Variants in ARHGAP9 observed in about 807,000 individuals in gnomAD.
The protein encoded by ARHGAP9 is rho GTPase-activating protein 9.
ARHGAP9 carries 76 observed loss-of-function variants against 87.3 expected under a neutral mutation model. The observed-to-expected ratio is 0.87, with a 90% CI of 0.72 to 1.05. The LOEUF (loss-of-function observed/expected upper bound fraction) is 1.05, where lower values mean the gene tolerates loss of function less well. Among genes scored for constraint, ARHGAP9 ranks in the 50% least tolerant of loss-of-function variants. ARHGAP9 has a pLI of 0.00. For missense variants in ARHGAP9, 941 were observed against 960.5 expected (o/e 0.98, Z 0.27); for synonymous variants, 382 against 394.9 (o/e 0.97, Z 0.39).
upstream of ARHGAP9, among the ~76,000 whole-genome samples, chr12:57,482,196 C>G (rs553369326): frequency 6.6e-6 from 1 of 151,996 alleles, no homozygotes; most frequent in Non-Finnish European, 1.5e-5. Flanking sequence ...TCACTTGAGC[C>G]TAGGAGCTTG....
Position 57,479,072 on chromosome 12 carries a change from G to T in ARHGAP9, c.316+19C>A. ...TGGGAGGTAGGAAGGTGAAGGGAGA[G>T]GGCTTAGCGCTTACTCACCAGGAGT... On this transcript the variant is annotated intron_variant, in intron 2 of 17. Coordinates refer to ENST00000393791, the MANE Select transcript of ARHGAP9 (RefSeq NM_032496.4). The T allele has an allele frequency of 3.1e-6, 5 of 1,610,368 alleles. No individual in the cohort carries two copies. Among genetic ancestry groups the T allele is most frequent in the Non-Finnish European group, 4.2e-6 (5 of 1,177,098 alleles).
At chr12:57,473,146 G>A (rs938782260) in intron 17 of ARHGAP9, among the ~76,000 whole-genome samples, 2 of 152,118 alleles carry the variant, frequency 1.3e-5, no homozygotes, top group Non-Finnish European at 2.9e-5. Context: ...AGTCTTTGAC[G>A]GGCACGGTGT....
At chr12:57,485,331 G>T (rs1342429257) in intron 1 of ARHGAP9, among the ~76,000 whole-genome samples, 1 of 151,516 alleles carries the variant, frequency 6.6e-6, no homozygotes, top group Non-Finnish European at 1.5e-5. Context: ...CAAGGCAGGT[G>T]TATCACCTGA....
At chr12:57,475,962 A>G in intron 9 of ARHGAP9, 31 bp from the exon 10 acceptor site, 1 of 1,598,626 alleles carries the variant, frequency 6.3e-7, no homozygotes, top group Non-Finnish European at 8.5e-7. Flanking sequence ...CGCTCGGGTC[A>G]ACGGGAAGGA....
chr12:57,477,501 G>A lies in ARHGAP9; in HGVS notation c.714C>T (p.Gly238=), dbSNP rs1466397397. 2 of 1,614,124 alleles carry A rather than the reference G, an allele frequency of 1.2e-6. No individual in the cohort carries two copies. The highest frequency in any genetic ancestry group is 1.7e-6 in the Non-Finnish European group (2 of 1,180,004). ...GRCFYINSLT[G]CKSWKPPRRS... is the part of the protein sequence containing the mutation. ...GGCGCGGGGGCTTCCAGGACTTGCA[G>A]CCAGTCAGTGAATTTATGTAGAAGC... The change falls in exon 4 of 18, where the codon GGC becomes GGT. Residue 238 remains glycine, a synonymous_variant. Transcript: ENST00000393791.
At chr12:57,478,784 T>G in intron 2 of ARHGAP9, 27 bp from the exon 3 acceptor site, 1 of 1,581,028 alleles carries the variant, frequency 6.3e-7, no homozygotes, top group Non-Finnish European at 8.6e-7. Context: ...GGAGGGTGGG[T>G]GGCAGGTGAT....
chr12:57,480,584 A>C (rs1464436841), upstream of ARHGAP9, among the ~76,000 whole-genome samples: 3 of 152,190 alleles, frequency 2.0e-5, no homozygotes, highest in Non-Finnish European at 4.4e-5. Context: ...TTGGAGCTTA[A>C]GGAGAGACAG....
chr12:57,476,902 C>G lies in ARHGAP9; in HGVS notation c.932G>C (p.Arg311Pro). ...QLDPPALQAPRPLPQLLDDPH... is the reference protein window; with the variant it reads ...QLDPPALQAPPPLPQLLDDPH... ...GTCGTCCAGGAGCTGCGGCAGAGGT[C>G]GAGGGGCCTGCAAGGCTGGAGGGTC... The change falls in exon 6 of 18, where the codon CGA (arginine) becomes CCA (proline). Residue 311 changes from arginine (R) to proline (P), a missense_variant. Coordinates refer to ENST00000393791, the MANE Select transcript of ARHGAP9 (RefSeq NM_032496.4). 3 of 1,613,656 alleles carry G rather than the reference C, an allele frequency of 1.9e-6. No individual in the cohort carries two copies. Among genetic ancestry groups the G allele is most frequent in the Non-Finnish European group, 2.5e-6 (3 of 1,179,910 alleles).
intron 17 of ARHGAP9, 129 bp downstream of exon 17, chr12:57,473,474 T>G: frequency 1.4e-6 from 1 of 727,776 alleles, no homozygotes; most frequent in Non-Finnish European, 2.4e-6. Context: ...TGCACAGAGG[T>G]TGCCTGCTTC....
upstream of ARHGAP9, chr12:57,480,745 A>T: frequency 6.5e-7 from 1 of 1,544,550 alleles, no homozygotes. Context: ...GATTACCAGC[A>T]CTTTAAAACC....
upstream of ARHGAP9, among the ~76,000 whole-genome samples, chr12:57,482,004 C>T (rs1364883215): frequency 6.6e-6 from 1 of 152,164 alleles, no homozygotes; most frequent in Non-Finnish European, 1.5e-5. Context: ...CCACTGTCCA[C>T]CAGAAAATCC....
intron 6 of ARHGAP9, 70 bp from the exon 7 acceptor site, chr12:57,476,721 G>A (rs1277819510): frequency 2.5e-6 from 4 of 1,600,372 alleles, no homozygotes; most frequent in Middle Eastern, 1.7e-4. Flanking sequence ...TTTCCCTAGG[G>A]GGTCTCCCAG....
rs745405648 is a variant in ARHGAP9 at position 57,477,286 on chromosome 12, G to A, written c.757-17C>T. 7 of 1,545,634 alleles carry A rather than the reference G, an allele frequency of 4.5e-6. No individual in the cohort carries two copies. The South Asian group carries it at 5.0e-5, about 11-fold the overall frequency. On this transcript the variant is annotated splice_polypyrimidine_tract_variant and intron_variant, in intron 4 of 17. Coordinates refer to ENST00000393791, the MANE Select transcript of ARHGAP9 (RefSeq NM_032496.4). Reference sequence around the variant, plus strand: ...GCCAGGGTTCTGGGTTAGGGGAGGAGGAAATAAAGCTACATCCAGATGCCA... The same window carrying A: ...GCCAGGGTTCTGGGTTAGGGGAGGAAGAAATAAAGCTACATCCAGATGCCA...
chr12:57,479,569 G>T, intron 1 of ARHGAP9, 145 bp from the exon 2 acceptor site: 1 of 1,514,116 alleles, frequency 6.6e-7, no homozygotes, highest in South Asian at 1.3e-5. Flanking sequence ...AAACAGCCTG[G>T]TGAGGATCGG....
At position 57,474,045 on chromosome 12, in the gene ARHGAP9, G is replaced by A. The variant is rs1429671528; in HGVS notation, c.1915C>T (p.Leu639Phe). ...TTTCCAAAGCTCCAACCCTTACCAA[G>A]GGCAGCACGGAAATGGGGCAGCAGC... ...PLLLPHFRAA[L>F]ALSESEQCLS... Residue 639 changes from leucine (L) to phenylalanine (F), a missense_variant, in exon 16 of 18, where the codon CTT (leucine) becomes TTT (phenylalanine). Transcript: ENST00000393791. 1 of 1,613,376 alleles carries A rather than the reference G, an allele frequency of 6.2e-7. No homozygotes were observed. Among genetic ancestry groups the A allele is most frequent in the African/African-American group, 1.3e-5 (1 of 74,912 alleles).
chr12:57,478,908 G>T, intron 2 of ARHGAP9, 151 bp from the exon 3 acceptor site: 1 of 1,082,984 alleles, frequency 9.2e-7, no homozygotes, highest in Non-Finnish European at 1.3e-6. Context: ...GGACTAGGAG[G>T]ACAGGCAGTG....
At chr12:57,476,020 G>A (rs758677249) in intron 9 of ARHGAP9, 51 bp downstream of exon 9, 106 of 1,505,900 alleles carry the variant, frequency 7.0e-5, no homozygotes, top group Non-Finnish European at 8.9e-5. Flanking sequence ...GGGAGATTGG[G>A]GGCGCCCTCG....
upstream of ARHGAP9, chr12:57,480,862 G>C (rs1339658341): frequency 6.5e-7 from 1 of 1,545,634 alleles, no homozygotes; most frequent in Admixed American, 2.0e-5. Context: ...GGTGGGTTAA[G>C]GAGCGAATGA....
chr12:57,483,697 G>A (rs1443482165), upstream of ARHGAP9, among the ~76,000 whole-genome samples: 1 of 152,096 alleles, frequency 6.6e-6, no homozygotes, highest in Non-Finnish European at 1.5e-5. Context: ...TCTTCACCTA[G>A]ATAACTCTTA....
Sources: allele counts gnomAD v4.1 joint callset (sites outside exome capture counted in the v4.1 genomes callset), GRCh38; gene constraint gnomAD v4.1.1; transcripts MANE v1.5; gene names NCBI Gene and HGNC (gene_info 2026-07-23, HGNC 2026-07-21).